IL15: variants seen among roughly 807,000 people sequenced by gnomAD.
IL15 encodes the protein interleukin 15.
A neutral mutation model predicts 19.6 loss-of-function variants in IL15; 11 were observed. That is an observed-to-expected ratio of 0.56 (90% confidence interval 0.35 to 0.93). The LOEUF is 0.93. IL15 is among the 40% of genes least tolerant of loss of function. The probability of loss-of-function intolerance (pLI) is 0.01; values close to 1 mark genes in which losing one functional copy is unlikely to be tolerated. For missense variants in IL15, 197 were observed against 186.5 expected (o/e 1.06, Z -0.33); for synonymous variants, 58 against 59.6 (o/e 0.97, Z 0.12).
chr4:141,686,116 G>A (rs866142696), intron 2 of IL15, among the ~76,000 whole-genome samples: 4 of 151,842 alleles, frequency 2.6e-5, no homozygotes, highest in South Asian at 4.2e-4. Flanking sequence ...CCAACATGGC[G>A]AAACCCCGTC....
chr4:141,679,368 GA>G (rs1311457222), intron 2 of IL15, among the ~76,000 whole-genome samples: 1 of 152,104 alleles, frequency 6.6e-6, no homozygotes, highest in East Asian at 1.9e-4. Flanking sequence ...TAAAGACATG[GA>G]AACATTTTAC....
intron 1 of IL15, among the ~76,000 whole-genome samples, chr4:141,647,192 G>A (rs1247704443): frequency 1.3e-5 from 2 of 151,980 alleles, no homozygotes; most frequent in East Asian, 3.9e-4. Context: ...TTGAGTGGGA[G>A]GAGCAGAGCA....
At chr4:141,666,305 G>A (rs1355013124) in intron 2 of IL15, among the ~76,000 whole-genome samples, 1 of 151,584 alleles carries the variant, frequency 6.6e-6, no homozygotes, top group African/African-American at 2.4e-5. Flanking sequence ...ACTTTGGAAA[G>A]CCGAGGCGGT....
chr4:141,711,845 C>T (rs910747895), intron 2 of IL15, among the ~76,000 whole-genome samples: 1 of 151,988 alleles, frequency 6.6e-6, no homozygotes, highest in Non-Finnish European at 1.5e-5. Flanking sequence ...TTTTCAAATA[C>T]TAATAGCTTT....
intron 2 of IL15, among the ~76,000 whole-genome samples, chr4:141,694,150 A>G (rs73851503): frequency 0.026 from 3,954 of 152,336 alleles, 176 homozygotes; most frequent in African/African-American, 0.09. Flanking sequence ...GGACACAGAT[A>G]CAAGGAGATG....
intron 3 of IL15, 131 bp downstream of exon 3, chr4:141,719,607 T>C (rs746484478): frequency 1.9e-5 from 13 of 680,926 alleles, no homozygotes; most frequent in African/African-American, 1.3e-4. Context: ...CTGTTCACAT[T>C]TGGATTGTTC....
At chr4:141,642,009 GAAT>G (rs574741779) in intron 1 of IL15, among the ~76,000 whole-genome samples, 255 of 149,546 alleles carry the variant, frequency 1.7e-3, no homozygotes, top group Middle Eastern at 3.5e-3. Context: ...CTGTATTGGA[GAAT>G]AATAATAATA....
intron 2 of IL15, among the ~76,000 whole-genome samples, chr4:141,671,230 C>G (rs1728166702): frequency 6.6e-6 from 1 of 152,150 alleles, no homozygotes; most frequent in Admixed American, 6.5e-5. Context: ...AAACCATTAG[C>G]TTTCATTTCC....
intron 2 of IL15, among the ~76,000 whole-genome samples, chr4:141,678,164 C>A (rs544763104): frequency 1.4e-3 from 210 of 152,256 alleles, no homozygotes; most frequent in African/African-American, 4.8e-3. Flanking sequence ...AATAGGAGAT[C>A]CAGATGGTCA....
intron 2 of IL15, among the ~76,000 whole-genome samples, chr4:141,670,866 A>C (rs1345074422): frequency 6.6e-6 from 1 of 152,212 alleles, no homozygotes; most frequent in East Asian, 1.9e-4. Context: ...ACATTCAGGA[A>C]TATAACATAT....
At chr4:141,686,301 T>TAAATAAAA (rs1286071406) in intron 2 of IL15, among the ~76,000 whole-genome samples, 3 of 145,790 alleles carry the variant, frequency 2.1e-5, no homozygotes, top group Non-Finnish European at 4.5e-5. Context: ...ATCTCAAAAA[T>TAAATAAAA]AAATAAATAA....
chr4:141,659,394 A>G (rs879594175), intron 2 of IL15, among the ~76,000 whole-genome samples: 3 of 150,250 alleles, frequency 2.0e-5, no homozygotes, highest in Admixed American at 2.0e-4. Context: ...GTAGAGACGG[A>G]GTTTCACCAT....
At chr4:141,725,840 A>G (rs1490106311) in intron 5 of IL15, among the ~76,000 whole-genome samples, 2 of 152,150 alleles carry the variant, frequency 1.3e-5, no homozygotes, top group Non-Finnish European at 1.5e-5. Context: ...CATAATTTAT[A>G]AAGAAAGGAA....
At chr4:141,701,471 AGTTC>A (rs1362705283) in intron 2 of IL15, among the ~76,000 whole-genome samples, 1 of 152,162 alleles carries the variant, frequency 6.6e-6, no homozygotes, top group Non-Finnish European at 1.5e-5. Flanking sequence ...TGTGTGGGCA[AGTTC>A]ACTGTCTCCT....
Position 141,721,983 on chromosome 4 carries a change from T to G in IL15, c.170T>G (p.Leu57Trp), listed in dbSNP as rs1579052178. 1 of 1,592,600 alleles carries G rather than the reference T, an allele frequency of 6.3e-7. No homozygotes were observed. Among genetic ancestry groups the G allele is most frequent in the East Asian group, 2.3e-5 (1 of 44,424 alleles). ...AACTGGGTGAATGTAATAAGTGATT[T>G]GAAAAAAATTGAAGATCTTATTCAA... ...EANWVNVISD[L>W]KKIEDLIQSM... Residue 57 changes from leucine (L) to tryptophan (W), a missense_variant, in exon 5 of 8, where the codon TTG becomes TGG. By Grantham distance (61) the Leu-to-Trp change is moderately conservative (BLOSUM62 -2). Coordinates refer to ENST00000320650, the MANE Select transcript of IL15 (RefSeq NM_000585.5).
At chr4:141,692,641 G>A (rs1392180309) in intron 2 of IL15, among the ~76,000 whole-genome samples, 1 of 151,916 alleles carries the variant, frequency 6.6e-6, no homozygotes, top group Non-Finnish European at 1.5e-5. Flanking sequence ...TTTAGGTCCG[G>A]GGAAAAATGC....
chr4:141,699,716 C>T (rs1039453940), intron 2 of IL15, among the ~76,000 whole-genome samples: 2 of 151,744 alleles, frequency 1.3e-5, no homozygotes, highest in African/African-American at 4.8e-5. Flanking sequence ...TATTTGAGTC[C>T]TTATGTGTTA....
At chr4:141,726,206 A>C (rs1388937461) in intron 5 of IL15, among the ~76,000 whole-genome samples, 1 of 152,162 alleles carries the variant, frequency 6.6e-6, no homozygotes, top group Admixed American at 6.6e-5. Context: ...AAGTTTAGCC[A>C]AATTATGAAG....
chr4:141,670,483 T>TGAATG (rs1404281065), intron 2 of IL15, among the ~76,000 whole-genome samples: 1 of 152,196 alleles, frequency 6.6e-6, no homozygotes, highest in Non-Finnish European at 1.5e-5. Context: ...TGAAGAAGTC[T>TGAATG]CTTAAACTAA....
Sources: allele counts gnomAD v4.1 joint callset (sites outside exome capture counted in the v4.1 genomes callset), GRCh38; gene constraint gnomAD v4.1.1; transcripts MANE v1.5; gene names NCBI Gene and HGNC (gene_info 2026-07-23, HGNC 2026-07-21).